Variants in STXBP5 observed in about 807,000 individuals in gnomAD.
STXBP5 encodes the protein syntaxin binding protein 5, also known as syntaxin-binding protein 5.
In STXBP5, 50 loss-of-function variants were observed where a neutral mutation model predicts 152.4. That is an observed-to-expected ratio of 0.33 (90% CI 0.26 to 0.42). The LOEUF (loss-of-function observed/expected upper bound fraction) is 0.42, where lower values mean the gene tolerates loss of function less well. Among genes scored for constraint, STXBP5 ranks in the 10% least tolerant of loss-of-function variants. The pLI, the probability that STXBP5 is intolerant of heterozygous loss-of-function variation, is 1.00. For synonymous variants in STXBP5, 492 were observed against 494.7 expected (o/e 0.99, Z 0.07); for missense variants, 1,167 against 1,388.6 (o/e 0.84, Z 2.54).
intron 22 of STXBP5, among the ~76,000 whole-genome samples, chr6:147,358,227 C>T (rs1315273016): frequency 2.0e-5 from 3 of 151,738 alleles, no homozygotes; most frequent in Non-Finnish European, 2.9e-5. Context: ...AAAAAAGATC[C>T]ATCATACAGT....
At chr6:147,264,228 A>G (rs754485715) in intron 6 of STXBP5, among the ~76,000 whole-genome samples, 7 of 152,202 alleles carry the variant, frequency 4.6e-5, no homozygotes, top group South Asian at 4.1e-4. Flanking sequence ...AGTTCCTTCA[A>G]TGCTAACCTT....
intron 11 of STXBP5, among the ~76,000 whole-genome samples, chr6:147,311,983 A>G (rs9377048): frequency 0.5 from 76,450 of 151,932 alleles, 19,522 homozygotes; most frequent in Middle Eastern, 0.58. Context: ...TTTTTGATTT[A>G]AAAACATCTG....
rs1456840535 is a variant in STXBP5, at chr6:147,364,106, T to G, written c.3021T>G (p.Leu1007=). ...CCAACAATGGACAAGCATTATACCT[T>G]GTTTCACCTACAGAAATCCAGAGAC... ...CFTNNGQALY[L]VSPTEIQRLT... The change falls in exon 25 of 28, where the codon CTT becomes CTG. Residue 1007 remains leucine, a synonymous_variant. Transcript: ENST00000321680. 1 of 1,613,972 alleles carries G rather than the reference T, an allele frequency of 6.2e-7. No homozygotes were observed. Among genetic ancestry groups the G allele is most frequent in the Admixed American group, 1.7e-5 (1 of 60,018 alleles).
rs572207385 is a variant in STXBP5 at position 147,318,807 on chromosome 6, T to C, written c.1802+2400T>C. On this transcript the variant is annotated intron_variant, in intron 16 of 27. Transcript: ENST00000321680. ...CACGCAATAACATCTTAACAGTTTT[T>C]TCTGAATCCTAAAATAACTAATGAC... 7.2e-3 allele frequency among the ~76,000 whole-genome samples: 1,098 copies of C among 152,334 alleles called. 14 individuals carry two copies. The highest frequency in any genetic ancestry group is 0.025 in the African/African-American group (1,053 of 41,588).
At chr6:147,311,710 CAT>C (rs1782386079) in intron 11 of STXBP5, among the ~76,000 whole-genome samples, 183 bp downstream of exon 11, 1 of 152,110 alleles carries the variant, frequency 6.6e-6, no homozygotes. Flanking sequence ...TGTTGAATCT[CAT>C]AAAATTTTCA....
chr6:147,233,045 T>C (rs1412861209), intron 2 of STXBP5, among the ~76,000 whole-genome samples: 1 of 151,840 alleles, frequency 6.6e-6, no homozygotes, highest in African/African-American at 2.4e-5. Context: ...AGAATCAGTT[T>C]TTCTGTATTC....
chr6:147,207,342 T>G (rs1776618767), intron 2 of STXBP5, among the ~76,000 whole-genome samples: 1 of 152,206 alleles, frequency 6.6e-6, no homozygotes, highest in East Asian at 1.9e-4. Context: ...CTAAGTGAAG[T>G]CTACTATACA....
In STXBP5 at chr6:147,263,353, T is replaced by C. The variant is rs571245693; in HGVS notation, c.630+1000T>C. On this transcript the variant is annotated intron_variant, in intron 6 of 27. Coordinates refer to ENST00000321680, the MANE Select transcript of STXBP5 (RefSeq NM_001127715.4). ...CTTTTTCTTTCTTTCTTTTTTTTTT[T>C]TTTTTTTTAAATTTTTTAATTTTCC... is the stretch of plus-strand genomic sequence containing the variant. 3.0e-3 allele frequency among the ~76,000 whole-genome samples: 452 copies of C among 150,210 alleles called. 3 individuals carry two copies. Among genetic ancestry groups the C allele is most frequent in the Non-Finnish European group, 5.6e-3 (376 of 67,420 alleles).
intron 2 of STXBP5, among the ~76,000 whole-genome samples, chr6:147,231,846 A>T (rs1406353123): frequency 6.6e-6 from 1 of 151,870 alleles, no homozygotes; most frequent in Non-Finnish European, 1.5e-5. Flanking sequence ...GTTAACTCAG[A>T]AATGTCAGTA....
intron 17 of STXBP5, among the ~76,000 whole-genome samples, chr6:147,325,529 ATAAT>A (rs1178984557): frequency 6.6e-5 from 10 of 152,256 alleles, no homozygotes; most frequent in African/African-American, 2.4e-4. Flanking sequence ...AAGCATGACA[ATAAT>A]TAATATTCAT....
chr6:147,349,617 C>T (rs141235782), intron 21 of STXBP5, among the ~76,000 whole-genome samples: 1 of 152,278 alleles, frequency 6.6e-6, no homozygotes, highest in Non-Finnish European at 1.5e-5. Flanking sequence ...GTGTTCCAGA[C>T]TGAGATAGGG....
intron 16 of STXBP5, among the ~76,000 whole-genome samples, chr6:147,322,129 C>T (rs1284404825): frequency 6.6e-6 from 1 of 152,076 alleles, no homozygotes; most frequent in African/African-American, 2.4e-5. Context: ...ATTTAATATG[C>T]CAGAGGGAGG....
intron 23 of STXBP5, among the ~76,000 whole-genome samples, chr6:147,361,724 AC>A (rs558307038): frequency 1.4e-3 from 208 of 152,332 alleles, no homozygotes; most frequent in Non-Finnish European, 2.6e-3. Flanking sequence ...AAATCTACAT[AC>A]TAGAACAATA....
At chr6:147,366,395 C>G (rs945558089) in intron 25 of STXBP5, among the ~76,000 whole-genome samples, 3 of 152,156 alleles carry the variant, frequency 2.0e-5, no homozygotes, top group Admixed American at 2.0e-4. Flanking sequence ...TGGCTAAAAC[C>G]AGTAGAAAAT....
intron 11 of STXBP5, among the ~76,000 whole-genome samples, chr6:147,312,035 ATC>A (rs1782406005): frequency 6.6e-6 from 1 of 152,150 alleles, no homozygotes; most frequent in Non-Finnish European, 1.5e-5. Flanking sequence ...TTCCAACCTG[ATC>A]TCTGTCTTCT....
At chr6:147,335,433 C>T (rs769681770) in intron 19 of STXBP5, among the ~76,000 whole-genome samples, 1 of 152,078 alleles carries the variant, frequency 6.6e-6, no homozygotes, top group Non-Finnish European at 1.5e-5. Flanking sequence ...AGGATATAAG[C>T]CAGGGTGAAC....
In STXBP5 at chr6:147,316,280, G is replaced by C. The variant is rs375927984; in HGVS notation, c.1675G>C (p.Gly559Arg). ...GATAAATGATGTGGAAACTCCGGAG[G>C]GTGAGCAGCCACCACCTTTGCCAAC... is the stretch of plus-strand genomic sequence containing the variant. ...YEINDVETPEGEQPPPLPTPV... is the reference protein window; with the variant it reads ...YEINDVETPEREQPPPLPTPV... Residue 559 changes from glycine (G) to arginine (R), a missense_variant, in exon 16 of 28, where the codon GGT becomes CGT. Physicochemically the swap from Gly to Arg is moderately radical, Grantham distance 125. Coordinates refer to ENST00000321680, the MANE Select transcript of STXBP5 (RefSeq NM_001127715.4). 1 of 1,613,838 alleles carries C rather than the reference G, an allele frequency of 6.2e-7. No homozygotes were observed. The highest frequency in any genetic ancestry group is 1.7e-5 in the Admixed American group (1 of 59,952).
chr6:147,287,012 ATTT>A (rs142402780), intron 8 of STXBP5, among the ~76,000 whole-genome samples: 2,474 of 150,230 alleles, frequency 0.016, 50 homozygotes, highest in African/African-American at 0.054. Flanking sequence ...CATCTTTAAA[ATTT>A]TTTAAAATTT....
At chr6:147,366,519 G>A (rs193301045) in intron 25 of STXBP5, among the ~76,000 whole-genome samples, 108 of 152,240 alleles carry the variant, frequency 7.1e-4, no homozygotes, top group African/African-American at 2.2e-3. Flanking sequence ...ATTACTTATT[G>A]CCCCTTTGTT....
Sources: allele counts gnomAD v4.1 joint callset (sites outside exome capture counted in the v4.1 genomes callset), GRCh38; gene constraint gnomAD v4.1.1; transcripts MANE v1.5; gene names NCBI Gene and HGNC (gene_info 2026-07-23, HGNC 2026-07-21).